KCNH1: variants seen among roughly 807,000 people sequenced by gnomAD.
KCNH1 encodes voltage-gated delayed rectifier potassium channel KCNH1.
A neutral mutation model predicts 69.2 loss-of-function variants in KCNH1; 27 were observed. That is an observed-to-expected ratio of 0.39 (90% CI 0.29 to 0.54). The LOEUF (loss-of-function observed/expected upper bound fraction) is 0.54. Ranked by LOEUF, KCNH1 falls within the 20% of genes least tolerant of loss-of-function variation. The pLI, the probability that KCNH1 is intolerant of heterozygous loss-of-function variation, is 0.68. For synonymous variants in KCNH1, 456 were observed against 487.7 expected (o/e 0.93, Z 0.86); for missense variants, 798 against 1,261.6 (o/e 0.63, Z 5.57).
intron 5 of KCNH1, among the ~76,000 whole-genome samples, chr1:211,069,473 A>C (rs1293462589): frequency 6.7e-6 from 1 of 150,056 alleles, no homozygotes; most frequent in Non-Finnish European, 1.5e-5. Flanking sequence ...TAAAACAACT[A>C]TGATTAATTT....
chr1:210,865,388 C>T (rs948990422), intron 7 of KCNH1, among the ~76,000 whole-genome samples: 4 of 152,136 alleles, frequency 2.6e-5, no homozygotes, highest in African/African-American at 9.7e-5. Context: ...TTTTTAAGCA[C>T]CAAAGCAGTA....
At chr1:210,981,462 T>C (rs775792488) in intron 6 of KCNH1, among the ~76,000 whole-genome samples, 2 of 152,000 alleles carry the variant, frequency 1.3e-5, no homozygotes, top group Non-Finnish European at 2.9e-5. Flanking sequence ...GGCCAGTGTT[T>C]GGCTTTCTTA....
At chr1:210,689,367 A>C (rs562124370) in intron 10 of KCNH1, among the ~76,000 whole-genome samples, 1 of 152,120 alleles carries the variant, frequency 6.6e-6, no homozygotes, top group Non-Finnish European at 1.5e-5. Context: ...GAGTTTGAGG[A>C]GTTGTCCCCT....
At chr1:210,739,362 T>C (rs1244398364) in intron 10 of KCNH1, among the ~76,000 whole-genome samples, 1 of 152,240 alleles carries the variant, frequency 6.6e-6, no homozygotes, top group Non-Finnish European at 1.5e-5. Context: ...GTTATCTTGC[T>C]CATTGTCTTA....
chr1:210,706,186 A>G (rs1317706673), intron 10 of KCNH1, among the ~76,000 whole-genome samples: 1 of 152,196 alleles, frequency 6.6e-6, no homozygotes, highest in African/African-American at 2.4e-5. Flanking sequence ...TGTAGTAAAC[A>G]GGAAGAGGAA....
intron 5 of KCNH1, among the ~76,000 whole-genome samples, chr1:211,032,687 G>A (rs1442272444): frequency 3.9e-5 from 6 of 152,186 alleles, no homozygotes; most frequent in Non-Finnish European, 8.8e-5. Context: ...AATAAATGGT[G>A]CTGGGAAAAC....
chr1:210,908,217 C>T (rs1250250094), intron 7 of KCNH1, among the ~76,000 whole-genome samples: 3 of 152,168 alleles, frequency 2.0e-5, no homozygotes, highest in Admixed American at 6.5e-5. Flanking sequence ...CACATCATTT[C>T]TAATTGGCTG....
At chr1:210,757,285 T>G (rs1683420041) in intron 10 of KCNH1, among the ~76,000 whole-genome samples, 1 of 152,176 alleles carries the variant, frequency 6.6e-6, no homozygotes, top group East Asian at 1.9e-4. Context: ...AATGATGGCA[T>G]TTGAATCAAC....
chr1:211,013,714 T>G (rs1050208109), intron 6 of KCNH1, among the ~76,000 whole-genome samples: 61 of 152,274 alleles, frequency 4.0e-4, no homozygotes, highest in African/African-American at 1.3e-3. Flanking sequence ...CCACAGAAGG[T>G]TAGAGCTGGG....
chr1:211,034,041 T>C (rs910745437), intron 5 of KCNH1, among the ~76,000 whole-genome samples: 2 of 152,138 alleles, frequency 1.3e-5, no homozygotes, highest in East Asian at 3.9e-4. Flanking sequence ...TATTAACAAC[T>C]AAATATGCAA....
At chr1:210,936,022 A>C in intron 6 of KCNH1, among the ~76,000 whole-genome samples, 1 of 152,068 alleles carries the variant, frequency 6.6e-6, no homozygotes, top group East Asian at 1.9e-4. Context: ...GCTCGATTTT[A>C]TTTTTTCTGC....
intron 7 of KCNH1, chr1:210,861,310 T>A (rs1685973510): frequency 2.4e-6 from 2 of 838,514 alleles, no homozygotes; most frequent in Non-Finnish European, 2.1e-6. Context: ...TTAATGTCTG[T>A]TGTAAAACTT....
intron 6 of KCNH1, among the ~76,000 whole-genome samples, chr1:210,993,266 T>C (rs1248100815): frequency 6.6e-6 from 1 of 152,220 alleles, no homozygotes; most frequent in African/African-American, 2.4e-5. Context: ...GGACTTTTCC[T>C]GACCATCTCA....
intron 6 of KCNH1, among the ~76,000 whole-genome samples, chr1:210,947,327 T>C (rs1264188386): frequency 2.6e-5 from 4 of 151,920 alleles, no homozygotes; most frequent in Non-Finnish European, 4.4e-5. Context: ...CCCAGCACTT[T>C]GGGAGGCCGA....
At chr1:211,050,667 T>C (rs114992659) in intron 5 of KCNH1, among the ~76,000 whole-genome samples, 1,831 of 152,340 alleles carry the variant, frequency 0.012, 38 homozygotes, top group African/African-American at 0.041. Flanking sequence ...AAATCTTCAG[T>C]TGTATTTTTT....
chr1:211,077,594 A>C (rs1690759755), intron 5 of KCNH1, among the ~76,000 whole-genome samples: 1 of 152,208 alleles, frequency 6.6e-6, no homozygotes, highest in Non-Finnish European at 1.5e-5. Flanking sequence ...GCCCTAAAAG[A>C]GCTCCTGAAG....
intron 7 of KCNH1, chr1:210,860,208 A>T (rs1203282759): frequency 1.4e-5 from 19 of 1,401,856 alleles, no homozygotes; most frequent in Admixed American, 1.7e-5. Context: ...GGGGCATCAT[A>T]TCTGTAAAGT....
intron 4 of KCNH1, among the ~76,000 whole-genome samples, chr1:211,083,439 G>A (rs1372946065): frequency 2.0e-5 from 3 of 152,218 alleles, no homozygotes; most frequent in Admixed American, 6.5e-5. Context: ...CTGGGTAGGT[G>A]GGGGAAAAGC....
chr1:210,925,876 C>T (rs1687561175), intron 6 of KCNH1, among the ~76,000 whole-genome samples: 2 of 152,184 alleles, frequency 1.3e-5, no homozygotes, highest in African/African-American at 4.8e-5. Context: ...AACCAGGTGT[C>T]CCTAGTGCAA....
Sources: gnomAD v4.1 joint callset for allele counts (sites outside exome capture counted in the v4.1 genomes callset) on GRCh38, gnomAD v4.1.1 for gene constraint, MANE v1.5 for transcripts, NCBI Gene and HGNC (gene_info 2026-07-23, HGNC 2026-07-21) for gene names.